DCAF1: variants seen among roughly 807,000 people sequenced by gnomAD.
The protein encoded by DCAF1 is DDB1 and CUL4 associated factor 1, also known as DDB1- and CUL4-associated factor 1.
Under a neutral mutation model 128.0 loss-of-function variants are expected in DCAF1, and 15 were observed. The observed-to-expected ratio is 0.12, with a 90% CI of 0.08 to 0.18. The LOEUF is 0.18. DCAF1 is among the 10% of genes least tolerant of loss of function. The probability of loss-of-function intolerance (pLI) is 1.00; values close to 1 mark genes in which losing one functional copy is unlikely to be tolerated. For missense variants in DCAF1, 988 were observed against 1,649.5 expected, an observed-to-expected ratio of 0.60 and a Z score of 6.95; for synonymous variants, 610 against 603.0, an observed-to-expected ratio of 1.01 and a Z score of -0.17.
chr3:51,431,290 G>C (rs572074675), intron 10 of DCAF1, among the ~76,000 whole-genome samples: 25 of 152,054 alleles, frequency 1.6e-4, no homozygotes, highest in African/African-American at 5.8e-4. Context: ...GGCTGAGGCG[G>C]GTGGATCACT....
intron 1 of DCAF1, among the ~76,000 whole-genome samples, chr3:51,499,509 G>C (rs1451805649): frequency 6.6e-6 from 1 of 152,142 alleles, no homozygotes; most frequent in Non-Finnish European, 1.5e-5. Flanking sequence ...GTACGGAACA[G>C]AGACTAGGAG....
chr3:51,453,444 A>T (rs779048734), intron 6 of DCAF1, among the ~76,000 whole-genome samples: 1 of 151,658 alleles, frequency 6.6e-6, no homozygotes, highest in Non-Finnish European at 1.5e-5. Flanking sequence ...CCTGGGCAAC[A>T]TAGGGAGACC....
chr3:51,437,188 G>A (rs1292300493), intron 9 of DCAF1, among the ~76,000 whole-genome samples: 4 of 149,964 alleles, frequency 2.7e-5, no homozygotes, highest in African/African-American at 7.4e-5. Flanking sequence ...GCTTGAACCC[G>A]GAAGGCAGCG....
At chr3:51,442,808 T>C (rs2107705640) in intron 7 of DCAF1, among the ~76,000 whole-genome samples, 1 of 152,220 alleles carries the variant, frequency 6.6e-6, no homozygotes, top group Non-Finnish European at 1.5e-5. Flanking sequence ...GAAGCTGTTA[T>C]CCTCAGCAAA....
intron 3 of DCAF1, among the ~76,000 whole-genome samples, chr3:51,482,071 A>T (rs1350309425): frequency 6.6e-6 from 1 of 152,120 alleles, no homozygotes; most frequent in Non-Finnish European, 1.5e-5. Flanking sequence ...AAAAAGCATT[A>T]AGTTATGAAT....
chr3:51,446,177 T>C (rs140819328), intron 6 of DCAF1, among the ~76,000 whole-genome samples: 12 of 152,132 alleles, frequency 7.9e-5, no homozygotes, highest in Non-Finnish European at 1.3e-4. Context: ...GTATTTTTAG[T>C]GGAGACGGGG....
intron 9 of DCAF1, among the ~76,000 whole-genome samples, chr3:51,438,815 C>T (rs1701090996): frequency 6.6e-6 from 1 of 152,140 alleles, no homozygotes; most frequent in African/African-American, 2.4e-5. Context: ...TTCTCCATGT[C>T]AGTCAGGCTG....
chr3:51,494,717 A>T (rs1256754786), intron 2 of DCAF1, among the ~76,000 whole-genome samples: 4 of 151,970 alleles, frequency 2.6e-5, no homozygotes, highest in Non-Finnish European at 4.4e-5. Flanking sequence ...TATTTTTAAA[A>T]TTTTTTAATT....
At chr3:51,483,607 G>GTT in intron 3 of DCAF1, 112 bp downstream of exon 3, 2 of 657,514 alleles carry the variant, frequency 3.0e-6, no homozygotes, top group South Asian at 4.0e-5. Flanking sequence ...TTTTAAACTA[G>GTT]TTTGTGTGTG....
intron 23 of DCAF1, among the ~76,000 whole-genome samples, chr3:51,406,054 C>G (rs1239928792): frequency 6.6e-6 from 1 of 151,052 alleles, no homozygotes; most frequent in Non-Finnish European, 1.5e-5. Flanking sequence ...AAAACAAAAA[C>G]AAAAACAGGC....
chr3:51,469,378 G>A (rs546870533), intron 4 of DCAF1, among the ~76,000 whole-genome samples: 4 of 151,960 alleles, frequency 2.6e-5, no homozygotes, highest in African/African-American at 9.6e-5. Flanking sequence ...TTACAGGCAT[G>A]CGCCATCATG....
intron 14 of DCAF1, 92 bp from the exon 15 acceptor site, chr3:51,421,089 C>A (rs1699349267): frequency 7.0e-7 from 1 of 1,433,210 alleles, no homozygotes; most frequent in Admixed American, 2.3e-5. Context: ...GTTCTACTCA[C>A]TTTTACTTTA....
At chr3:51,407,424 G>A (rs987433618) in intron 23 of DCAF1, among the ~76,000 whole-genome samples, 2 of 152,164 alleles carry the variant, frequency 1.3e-5, no homozygotes, top group Non-Finnish European at 2.9e-5. Flanking sequence ...GACCAGGTGT[G>A]TGTAATCAGT....
intron 23 of DCAF1, among the ~76,000 whole-genome samples, chr3:51,404,443 C>G (rs2089965321): frequency 6.6e-6 from 1 of 151,992 alleles, no homozygotes; most frequent in Non-Finnish European, 1.5e-5. Flanking sequence ...GTGGTTACAT[C>G]TTTTTTCATT....
chr3:51,448,738 T>C (rs1702095515), intron 6 of DCAF1, among the ~76,000 whole-genome samples: 1 of 152,172 alleles, frequency 6.6e-6, no homozygotes, highest in Non-Finnish European at 1.5e-5. Context: ...AAAAACTCTG[T>C]ACCCCTCACT....
At chr3:51,500,337 G>C (rs781985160), upstream of DCAF1, among the ~76,000 whole-genome samples, 8 of 152,040 alleles carry the variant, frequency 5.3e-5, no homozygotes, top group Non-Finnish European at 1.2e-4. Context: ...AAGTGAGGGA[G>C]CCAATCCTTC....
chr3:51,490,298 G>A (rs1553657369), intron 2 of DCAF1, among the ~76,000 whole-genome samples: 1 of 152,010 alleles, frequency 6.6e-6, no homozygotes, highest in Non-Finnish European at 1.5e-5. Flanking sequence ...CCTGTACCAG[G>A]TATGCACCTG....
At chr3:51,403,495 G>A in intron 23 of DCAF1, 100 bp from the exon 24 acceptor site, 1 of 1,480,090 alleles carries the variant, frequency 6.8e-7, no homozygotes, top group Non-Finnish European at 9.0e-7. Flanking sequence ...GAAACTGTCA[G>A]TAGAGGGTAG....
In DCAF1 at chr3:51,499,451, C is replaced by G. The variant is rs1050579307; in HGVS notation, c.-56+422G>C. Among the ~76,000 whole-genome samples the G allele has an allele frequency of 1.9e-3, 296 of 152,184 alleles. 1 individual carries two copies. The highest frequency in any genetic ancestry group is 6.8e-3 in the South Asian group (33 of 4,826). ...TGGAGCTGGAGGCGGAGACACAGTC[C>G]GGGAAGGGGCCCGCCGTATAGTACG... On this transcript the variant is annotated intron_variant, in intron 1 of 24. Coordinates refer to ENST00000684031, the MANE Select transcript of DCAF1 (RefSeq NM_001387579.1).
Sources: gnomAD v4.1 joint callset for allele counts (sites outside exome capture counted in the v4.1 genomes callset) on GRCh38, gnomAD v4.1.1 for gene constraint, MANE v1.5 for transcripts, NCBI Gene and HGNC (gene_info 2026-07-23, HGNC 2026-07-21) for gene names.